The following PCDHA1 variants were observed in gnomAD, a reference collection of about 807,000 sequenced individuals.
PCDHA1 encodes the protein protocadherin alpha-1.
Under a neutral mutation model 61.3 loss-of-function variants are expected in PCDHA1, and 42 were observed. The observed-to-expected ratio is 0.69, with a 90% CI of 0.54 to 0.89. The LOEUF (loss-of-function observed/expected upper bound fraction) is 0.89, where lower values mean the gene tolerates loss of function less well. Ranked by LOEUF, PCDHA1 falls within the 40% of genes least tolerant of loss-of-function variation. PCDHA1 has a pLI of 0.00. For synonymous variants in PCDHA1, 610 were observed against 553.8 expected (o/e 1.10, Z -1.43); for missense variants, 1,256 against 1,235.3 (o/e 1.02, Z -0.25).
intron 1 of PCDHA1, chr5:140,877,832 C>T (rs782156769): frequency 1.9e-6 from 3 of 1,591,692 alleles, no homozygotes; most frequent in African/African-American, 2.7e-5. Flanking sequence ...TTAAATCCTC[C>T]CAGTGAAGTA....
chr5:140,871,026 G>C (rs1562655563), intron 1 of PCDHA1: 2 of 1,613,220 alleles, frequency 1.2e-6, no homozygotes, highest in Non-Finnish European at 8.5e-7. Flanking sequence ...AGGCAGACTC[G>C]CCGCGCCACC....
At position 140,928,406 on chromosome 5, in the gene PCDHA1, G is replaced by T. The variant is rs782285182; in HGVS notation, c.2395-50543G>T. On this transcript the variant is annotated intron_variant, in intron 1 of 3. Coordinates refer to ENST00000504120, the MANE Select transcript of PCDHA1 (RefSeq NM_018900.4). ...TTGCTGGCAGTGGAATCATCCAGTG[G>T]GGCCATCACTGCCAAAACTTCCTTT... 3 of 1,614,050 alleles carry T rather than the reference G, an allele frequency of 1.9e-6. No individual in the cohort carries two copies. The Admixed American group carries it at 5.0e-5, about 27-fold the overall frequency.
chr5:140,796,574 C>T (rs782655019), intron 1 of PCDHA1: 1 of 1,613,270 alleles, frequency 6.2e-7, no homozygotes, highest in Non-Finnish European at 8.5e-7. Context: ...CAGGTGAGCG[C>T]GCGGGATGCG....
intron 1 of PCDHA1, among the ~76,000 whole-genome samples, chr5:140,941,216 T>TTTCTTTCTTTCTTTCTTTC (rs2092891567): frequency 8.0e-6 from 1 of 124,950 alleles, no homozygotes; most frequent in East Asian, 2.2e-4. Context: ...TCTTTCTTCC[T>TTTCTTTCTTTCTTTCTTTC]TTCTTTCTTT....
chr5:140,868,662 A>G (rs2050574102), intron 1 of PCDHA1: 1 of 163,768 alleles, frequency 6.1e-6, no homozygotes, highest in South Asian at 1.6e-4. Context: ...AGTATTTTAG[A>G]TAAGTAAAAG....
chr5:140,901,333 T>C (rs1370254894), intron 1 of PCDHA1, among the ~76,000 whole-genome samples: 1 of 152,200 alleles, frequency 6.6e-6, no homozygotes, highest in East Asian at 1.9e-4. Flanking sequence ...TTGTAGTCGT[T>C]TTATAGTTTG....
intron 1 of PCDHA1, chr5:140,834,404 C>T (rs17844304): frequency 3.7e-6 from 6 of 1,606,068 alleles, no homozygotes; most frequent in South Asian, 3.3e-5. Flanking sequence ...CGAATGGATA[C>T]GACCCAGGGG....
intron 1 of PCDHA1, among the ~76,000 whole-genome samples, chr5:140,962,185 C>T (rs782495435): frequency 6.6e-5 from 10 of 152,126 alleles, no homozygotes; most frequent in Non-Finnish European, 1.3e-4. Flanking sequence ...ACTTATATCA[C>T]TTTTATGCTT....
At chr5:140,935,144 A>G (rs1289868558) in intron 1 of PCDHA1, among the ~76,000 whole-genome samples, 1 of 152,184 alleles carries the variant, frequency 6.6e-6, no homozygotes, top group Admixed American at 6.5e-5. Context: ...TGATACTTAG[A>G]GATATAATCT....
At chr5:140,969,057 T>G in intron 1 of PCDHA1, 2 of 1,614,162 alleles carry the variant, frequency 1.2e-6, no homozygotes, top group Non-Finnish European at 1.7e-6. Context: ...AACAACAATA[T>G]TGATGCCAGG....
rs782751899 is a variant in PCDHA1 at position 140,967,272 on chromosome 5, T to G, written c.2395-11677T>G. The G allele has an allele frequency of 1.2e-6, 2 of 1,613,412 alleles. No homozygotes were observed. Among genetic ancestry groups the G allele is most frequent in the East Asian group, 2.2e-5 (1 of 44,860 alleles). On this transcript the variant is annotated intron_variant, in intron 1 of 3. Transcript: ENST00000504120. ...GTGGCGCCTGGAGCGCGCTTTCACA[T>G]AGAGAGTGCGCAGGACCCCGACGTG...
In PCDHA1 at chr5:140,786,999, G is replaced by C. The variant is rs781961093; in HGVS notation, c.709G>C (p.Asp237His). The change falls in exon 1 of 4, where the codon GAT becomes CAT. Residue 237 changes from aspartate to histidine, a missense_variant. Transcript: ENST00000504120. ...GCTGATCACCGTCCTCGACGTTAAT[G>C]ATAACGCCCCACTGTTTGACCAGGC... Reference protein sequence around the residue: ...ELLITVLDVNDNAPLFDQAVY... With the variant: ...ELLITVLDVNHNAPLFDQAVY... The C allele has an allele frequency of 6.2e-7, 1 of 1,614,106 alleles. No individual in the cohort carries two copies. The highest frequency in any genetic ancestry group is 1.1e-5 in the South Asian group (1 of 91,078).
chr5:140,808,844 G>T, intron 1 of PCDHA1: 1 of 1,613,174 alleles, frequency 6.2e-7, no homozygotes, highest in African/African-American at 1.3e-5. Flanking sequence ...GACGCTGCAG[G>T]TGTTCGTGCT....
chr5:140,904,826 T>C (rs1251990612), intron 1 of PCDHA1, among the ~76,000 whole-genome samples: 1 of 152,206 alleles, frequency 6.6e-6, no homozygotes. Flanking sequence ...GAGCATTTTT[T>C]TATATGTTTC....
At position 140,787,998 on chromosome 5, in the gene PCDHA1, G is replaced by A. The variant is rs1158508561; in HGVS notation, c.1708G>A (p.Val570Met). The change falls in exon 1 of 4, where the codon GTG becomes ATG. Residue 570 changes from valine (V) to methionine (M), a missense_variant. By Grantham distance (21) the Val-to-Met change is conservative. Transcript: ENST00000504120. The stretch of plus-strand genomic sequence containing the variant: ...CGCGCCGGCGCTGCTGGCGCCTCGA[G>A]TGGGTGGCACTATTGGTGCAGTCAG... ...DNAPALLAPR[V>M]GGTIGAVSEL... 26 of 1,613,928 alleles carry A rather than the reference G, an allele frequency of 1.6e-5. No individual in the cohort carries two copies. Among genetic ancestry groups the A allele is most frequent in the Non-Finnish European group, 2.2e-5 (26 of 1,179,922 alleles).
chr5:140,898,711 T>A (rs1280268769), intron 1 of PCDHA1, among the ~76,000 whole-genome samples: 2 of 152,226 alleles, frequency 1.3e-5, no homozygotes, highest in Non-Finnish European at 2.9e-5. Flanking sequence ...AAGTAGTTTT[T>A]TCCAATTCTG....
At position 140,851,655 on chromosome 5, in the gene PCDHA1, T is replaced by C. The variant is rs1554145502; in HGVS notation, c.2394+62971T>C. 3 of 911,452 alleles carry C rather than the reference T, an allele frequency of 3.3e-6. No individual in the cohort carries two copies. In the African/African-American group the frequency reaches 5.4e-5, roughly 16 times the overall value. 56.5% of individuals were successfully genotyped at this position (911,452 alleles called of 1,614,324 possible). ...GTGTTTCCTTTCTTCAAGAAGACAT[T>C]CTCCTTTTAATTGAAATTTTCTCCA... On this transcript the variant is annotated intron_variant, in intron 1 of 3. Transcript: ENST00000504120.
At chr5:140,958,295 C>T (rs1405336220) in intron 1 of PCDHA1, among the ~76,000 whole-genome samples, 1 of 151,884 alleles carries the variant, frequency 6.6e-6, no homozygotes, top group Admixed American at 6.6e-5. Context: ...TATTATTGAA[C>T]TTAATTAAAA....
chr5:140,855,814 G>T, intron 1 of PCDHA1: 1 of 513,024 alleles, frequency 1.9e-6, no homozygotes, highest in Non-Finnish European at 3.4e-6. Context: ...AAGAAAAGTT[G>T]TGAACTCATG....
Sources: allele counts gnomAD v4.1 joint callset (sites outside exome capture counted in the v4.1 genomes callset), GRCh38; gene constraint gnomAD v4.1.1; transcripts MANE v1.5; gene names NCBI Gene and HGNC (gene_info 2026-07-23, HGNC 2026-07-21).